Variants in SNAP25 observed in about 807,000 individuals in gnomAD.
SNAP25 encodes the protein synaptosomal-associated protein 25.
Under a neutral mutation model 28.7 loss-of-function variants are expected in SNAP25, and 3 were observed. The observed-to-expected ratio is 0.10, with a 90% CI of 0.05 to 0.27. The LOEUF is 0.27. Ranked by LOEUF, SNAP25 falls within the 10% of genes least tolerant of loss-of-function variation. The pLI is 1.00. For missense variants in SNAP25, 117 were observed against 278.7 expected, an observed-to-expected ratio of 0.42 and a Z score of 4.13; for synonymous variants, 61 against 88.1, an observed-to-expected ratio of 0.69 and a Z score of 1.72.
At chr20:10,272,644 C>CTCTACATCA (rs2063615707) in intron 1 of SNAP25, among the ~76,000 whole-genome samples, 1 of 152,182 alleles carries the variant, frequency 6.6e-6, no homozygotes, top group South Asian at 2.1e-4. Context: ...GTGTTCACAT[C>CTCTACATCA]TCTACATCAT....
At chr20:10,231,159 G>T (rs987864696) in intron 1 of SNAP25, among the ~76,000 whole-genome samples, 1 of 150,122 alleles carries the variant, frequency 6.7e-6, no homozygotes, top group African/African-American at 2.5e-5. Flanking sequence ...CCATCCCTCA[G>T]CAATGAGCTA....
intron 1 of SNAP25, among the ~76,000 whole-genome samples, chr20:10,236,407 G>A (rs7263653): frequency 0.46 from 68,080 of 147,224 alleles, 16,342 homozygotes; most frequent in Admixed American, 0.59. Flanking sequence ...GGTGGAGCAG[G>A]AGGGGATCAG....
chr20:10,254,715 G>A (rs1020683118), intron 1 of SNAP25, among the ~76,000 whole-genome samples: 2 of 152,152 alleles, frequency 1.3e-5, no homozygotes, highest in African/African-American at 4.8e-5. Flanking sequence ...CAGGCCTTGC[G>A]GTAAATGGAG....
intron 1 of SNAP25, among the ~76,000 whole-genome samples, chr20:10,230,093 T>G (rs1413549627): frequency 1.3e-5 from 2 of 152,100 alleles, no homozygotes; most frequent in East Asian, 1.9e-4. Context: ...TACCCCCAAG[T>G]GACAGAACCT....
intron 1 of SNAP25, among the ~76,000 whole-genome samples, chr20:10,222,515 G>A (rs1263727013): frequency 6.6e-6 from 1 of 152,178 alleles, no homozygotes; most frequent in Non-Finnish European, 1.5e-5. Flanking sequence ...TGATTTGGGT[G>A]GAGTGGGAAG....
chr20:10,224,279 T>TTTTTTTTTTTTTTTC, intron 1 of SNAP25, among the ~76,000 whole-genome samples: 1 of 135,800 alleles, frequency 7.4e-6, no homozygotes, highest in Non-Finnish European at 1.6e-5. Context: ...TTTTTTTTTT[T>TTTTTTTTTTTTTTTC]TTTTTTTTTT....
At position 10,227,345 on chromosome 20, in the gene SNAP25, C is replaced by A. The variant is rs764863568; in HGVS notation, c.-64+8368C>A. Among the ~76,000 whole-genome samples, 8 of 152,144 alleles carry A rather than the reference C, an allele frequency of 5.3e-5. No individual in the cohort carries two copies. The South Asian group carries it at 1.5e-3, about 28-fold the overall frequency. On this transcript the variant is annotated intron_variant, in intron 1 of 7. Coordinates refer to ENST00000254976, the MANE Select transcript of SNAP25 (RefSeq NM_130811.4). ...TTAGCTTTCTTTGAATCTTCAGTAC[C>A]TATAACAGTGCCTGCCACACCCATG...
chr20:10,296,742 T>C, intron 5 of SNAP25, 183 bp from the exon 6 acceptor site: 2 of 695,978 alleles, frequency 2.9e-6, no homozygotes, highest in Admixed American at 6.4e-5. Flanking sequence ...AAGTGAAATG[T>C]TGAGTAGCTG....
intron 1 of SNAP25, among the ~76,000 whole-genome samples, chr20:10,229,148 T>G (rs1943488283): frequency 6.6e-6 from 1 of 152,156 alleles, no homozygotes; most frequent in African/African-American, 2.4e-5. Context: ...ATGCAATATG[T>G]CCTGCTATTC....
intron 1 of SNAP25, among the ~76,000 whole-genome samples, chr20:10,259,809 TTA>T (rs2063380920): frequency 1.3e-5 from 2 of 152,192 alleles, no homozygotes; most frequent in Non-Finnish European, 2.9e-5. Context: ...AATGCTAGGA[TTA>T]TAGGCTTGAG....
chr20:10,224,994 G>A (rs911389873), intron 1 of SNAP25, among the ~76,000 whole-genome samples: 2 of 151,980 alleles, frequency 1.3e-5, no homozygotes, highest in African/African-American at 4.8e-5. Context: ...GAGCTGTAAA[G>A]TACTTTAAAA....
intron 7 of SNAP25, among the ~76,000 whole-genome samples, chr20:10,304,595 T>A (rs771340050): frequency 1.1e-4 from 16 of 152,354 alleles, no homozygotes; most frequent in Middle Eastern, 3.4e-3. Flanking sequence ...TCAGTTTATA[T>A]CATTTGTTTA....
intron 7 of SNAP25, among the ~76,000 whole-genome samples, chr20:10,305,807 T>C (rs1212631497): frequency 6.6e-6 from 1 of 152,076 alleles, no homozygotes; most frequent in East Asian, 1.9e-4. Context: ...TCATTGAGTG[T>C]CTTTCTAGGA....
At chr20:10,295,914 G>T (rs529822255) in intron 5 of SNAP25, among the ~76,000 whole-genome samples, 1 of 152,250 alleles carries the variant, frequency 6.6e-6, no homozygotes, top group African/African-American at 2.4e-5. Context: ...GACCATACCA[G>T]CATTAAACCA....
chr20:10,243,596 G>A (rs777219542), intron 1 of SNAP25, among the ~76,000 whole-genome samples: 22 of 152,074 alleles, frequency 1.4e-4, no homozygotes, highest in Non-Finnish European at 2.6e-4. Flanking sequence ...TTTGTCTATT[G>A]TTCTTGTAAT....
chr20:10,253,894 G>T (rs749157170), intron 1 of SNAP25, among the ~76,000 whole-genome samples: 6 of 152,168 alleles, frequency 3.9e-5, no homozygotes, highest in Non-Finnish European at 7.4e-5. Flanking sequence ...CAGTTCTCAG[G>T]GTGGCCTAGC....
At chr20:10,277,070 G>A (rs935159255) in intron 2 of SNAP25, among the ~76,000 whole-genome samples, 1 of 152,194 alleles carries the variant, frequency 6.6e-6, no homozygotes, top group African/African-American at 2.4e-5. Context: ...AAGTGACAAC[G>A]CAGTGCCCGG....
At chr20:10,276,413 T>C (rs1405162492) in intron 2 of SNAP25, among the ~76,000 whole-genome samples, 4 of 152,186 alleles carry the variant, frequency 2.6e-5, no homozygotes, top group African/African-American at 9.7e-5. Context: ...GTAGAGAAAA[T>C]ATTAATAATG....
intron 1 of SNAP25, among the ~76,000 whole-genome samples, chr20:10,264,432 T>C (rs1488255244): frequency 6.6e-6 from 1 of 152,192 alleles, no homozygotes; most frequent in African/African-American, 2.4e-5. Context: ...AGAGACACTG[T>C]GGGAGAGGGT....
Sources: allele counts gnomAD v4.1 joint callset (sites outside exome capture counted in the v4.1 genomes callset), GRCh38; gene constraint gnomAD v4.1.1; transcripts MANE v1.5; gene names NCBI Gene and HGNC (gene_info 2026-07-23, HGNC 2026-07-21).